Variants in RALY observed in about 807,000 individuals in gnomAD.
RALY encodes the protein RALY heterogeneous nuclear ribonucleoprotein, also known as RNA-binding protein Raly.
Under a neutral mutation model 30.7 loss-of-function variants are expected in RALY, and 15 were observed. That is an observed-to-expected ratio of 0.49 (90% confidence interval 0.33 to 0.75). The LOEUF is 0.75. Among genes scored for constraint, RALY ranks in the 30% least tolerant of loss-of-function variants. The pLI is 0.02. For missense variants in RALY, 339 were observed against 414.3 expected, an observed-to-expected ratio of 0.82 and a Z score of 1.58; for synonymous variants, 177 against 170.8, an observed-to-expected ratio of 1.04 and a Z score of -0.28.
In RALY at chr20:34,073,885, T is replaced by C. The variant is rs766389807; in HGVS notation, c.377+19T>C. ...ACGACAGGTGAGCAGGGGAGGGGCG[T>C]GCCCAGGCATGAAACAGCCAAGCTG... On this transcript the variant is annotated intron_variant, in intron 5 of 9. Transcript: ENST00000246194. The C allele has an allele frequency of 6.2e-7, 1 of 1,612,282 alleles. No homozygotes were observed.
intron 9 of RALY, among the ~76,000 whole-genome samples, chr20:34,079,217 C>G (rs1363096880): frequency 1.3e-5 from 2 of 152,168 alleles, no homozygotes; most frequent in African/African-American, 4.8e-5. Context: ...ATCTTCAATC[C>G]CACAAGCTGA....
At chr20:34,058,888 G>C (rs1448243583) in intron 2 of RALY, among the ~76,000 whole-genome samples, 6 of 152,324 alleles carry the variant, frequency 3.9e-5, no homozygotes, top group Admixed American at 2.0e-4. Context: ...ATGGTGGGAA[G>C]CCCTTGAAGG....
At chr20:33,998,450 C>T (rs146159424) in intron 1 of RALY, among the ~76,000 whole-genome samples, 93 of 152,204 alleles carry the variant, frequency 6.1e-4, no homozygotes, top group African/African-American at 2.0e-3. Flanking sequence ...AAGACCATCC[C>T]GAAAGTACGT....
Position 34,072,265 on chromosome 20 carries a change from A to C in RALY, c.191A>C (p.Asn64Thr). 1 of 1,614,132 alleles carries C rather than the reference A, an allele frequency of 6.2e-7. No homozygotes were observed. The highest frequency in any genetic ancestry group is 8.5e-7 in the Non-Finnish European group (1 of 1,180,032). ...GGCTATGCCTTTGTTCAGTACTCCA[A>C]TGAGCGCCATGCCCGGGCAGCTGTG... ...HKGYAFVQYS[N>T]ERHARAAVLG... is the part of the protein sequence containing the mutation. The change falls in exon 3 of 10, where the codon AAT (asparagine) becomes ACT (threonine). Residue 64 changes from asparagine to threonine, a missense_variant. Around this residue, in one of 2 missense-constraint regions of RALY, gnomAD observed 71 missense variants for 133.7 expected, o/e 0.53. Coordinates refer to ENST00000246194, the MANE Select transcript of RALY (RefSeq NM_016732.3).
intron 1 of RALY, among the ~76,000 whole-genome samples, chr20:34,006,299 A>G (rs900624703): frequency 2.6e-5 from 4 of 152,214 alleles, no homozygotes; most frequent in African/African-American, 9.6e-5. Flanking sequence ...AATCTCAGCT[A>G]TCATATTTTG....
chr20:34,066,132 G>A (rs1009957357), intron 2 of RALY, among the ~76,000 whole-genome samples: 7 of 150,722 alleles, frequency 4.6e-5, no homozygotes, highest in Non-Finnish European at 1.5e-5. Flanking sequence ...TCACCAGCTG[G>A]TTGACCTTAA....
chr20:34,038,752 A>T (rs1384837390), intron 2 of RALY, among the ~76,000 whole-genome samples: 4 of 152,182 alleles, frequency 2.6e-5, no homozygotes, highest in Non-Finnish European at 5.9e-5. Flanking sequence ...TTTCTGTGTG[A>T]CTAACTTCTC....
intron 9 of RALY, among the ~76,000 whole-genome samples, chr20:34,079,641 C>G (rs2122343349): frequency 1.3e-5 from 2 of 152,342 alleles, no homozygotes; most frequent in Non-Finnish European, 2.9e-5. Context: ...AGCCATCCTG[C>G]TACACCCCTT....
At chr20:34,039,661 A>G (rs182997626) in intron 2 of RALY, among the ~76,000 whole-genome samples, 23 of 152,260 alleles carry the variant, frequency 1.5e-4, no homozygotes, top group African/African-American at 5.5e-4. Flanking sequence ...TTCAATTTGC[A>G]TCTAGAAATG....
chr20:34,064,566 G>C (rs2033513908), intron 2 of RALY, among the ~76,000 whole-genome samples: 1 of 152,148 alleles, frequency 6.6e-6, no homozygotes, highest in South Asian at 2.1e-4. Flanking sequence ...CCTTTGTGAA[G>C]TTTCTAGGTT....
At chr20:33,998,852 C>T (rs747518477) in intron 1 of RALY, among the ~76,000 whole-genome samples, 3 of 151,910 alleles carry the variant, frequency 2.0e-5, no homozygotes, top group East Asian at 1.9e-4. Flanking sequence ...AATTGCTGGG[C>T]GTGGTGGCTC....
At chr20:34,024,515 C>T (rs1324594173) in intron 1 of RALY, among the ~76,000 whole-genome samples, 3 of 152,280 alleles carry the variant, frequency 2.0e-5, no homozygotes, top group East Asian at 1.9e-4. Flanking sequence ...ATTCTGTGGA[C>T]GTTCCTCCAG....
chr20:34,045,337 C>T (rs999039930), intron 2 of RALY, among the ~76,000 whole-genome samples: 1 of 152,158 alleles, frequency 6.6e-6, no homozygotes, highest in Admixed American at 6.5e-5. Context: ...GTAGACCTCT[C>T]TAAGGAGGAA....
chr20:34,028,114 C>G (rs187341314), intron 1 of RALY, among the ~76,000 whole-genome samples: 1 of 152,020 alleles, frequency 6.6e-6, no homozygotes, highest in Non-Finnish European at 1.5e-5. Context: ...GGTGAAACTC[C>G]GTCTCCACTA....
intron 1 of RALY, among the ~76,000 whole-genome samples, chr20:34,028,734 A>C (rs866048639): frequency 7.6e-5 from 11 of 144,328 alleles, no homozygotes; most frequent in East Asian, 4.0e-4. Flanking sequence ...AAAAAAAAAA[A>C]CATGGCAGAG....
rs1238519898 is a variant in RALY at position 34,041,157 on chromosome 20, TAG to T, written c.-10+9560_-10+9561del. Among the ~76,000 whole-genome samples the T allele has an allele frequency of 3.3e-5, 5 of 152,236 alleles. No individual in the cohort carries two copies. In the East Asian group the frequency reaches 5.8e-4, roughly 18 times the overall value. ...TATATTTGTCCTTTTCAAAGTTGAA[TAG>T]AGAGAGTATTTCAAGCAATAACCCC... On this transcript the variant is annotated intron_variant, in intron 2 of 9. Transcript: ENST00000246194.
chr20:34,038,721 G>A (rs1394065131), intron 2 of RALY, among the ~76,000 whole-genome samples: 3 of 152,056 alleles, frequency 2.0e-5, no homozygotes, highest in Non-Finnish European at 4.4e-5. Flanking sequence ...CCAAGATTTG[G>A]GTCCTTGATC....
intron 2 of RALY, among the ~76,000 whole-genome samples, chr20:34,042,220 A>G (rs1410486551): frequency 1.3e-5 from 2 of 152,228 alleles, no homozygotes; most frequent in South Asian, 2.1e-4. Flanking sequence ...TACCAAACAA[A>G]GACGATCCCC....
At chr20:34,005,401 G>A (rs2031113655) in intron 1 of RALY, among the ~76,000 whole-genome samples, 1 of 151,940 alleles carries the variant, frequency 6.6e-6, no homozygotes, top group Admixed American at 6.6e-5. Context: ...CCCAGCTACT[G>A]GGGAGGCTGA....
Sources: gnomAD v4.1 joint callset for allele counts (sites outside exome capture counted in the v4.1 genomes callset) on GRCh38, gnomAD v4.1.1 for gene constraint, gnomAD v4.1.1 regional missense constraint, MANE v1.5 for transcripts, NCBI Gene and HGNC (gene_info 2026-07-23, HGNC 2026-07-21) for gene names.